LARGE1: variants seen among roughly 807,000 people sequenced by gnomAD.
LARGE1 encodes LARGE xylosyl- and glucuronyltransferase 1, also known as xylosyl- and glucuronyltransferase LARGE1.
In LARGE1, 43 loss-of-function variants were observed where a neutral mutation model predicts 87.6. The observed-to-expected ratio is 0.49, with a 90% CI of 0.38 to 0.63. LARGE1 has a LOEUF of 0.63. Among genes scored for constraint, LARGE1 ranks in the 30% least tolerant of loss-of-function variants. The probability of loss-of-function intolerance (pLI) is 0.00; values close to 1 mark genes in which losing one functional copy is unlikely to be tolerated. For missense variants in LARGE1, 802 were observed against 1,000.2 expected (o/e 0.80, Z 2.67); for synonymous variants, 434 against 394.6 (o/e 1.10, Z -1.18).
At chr22:33,641,274 C>T (rs1407109160) in intron 3 of LARGE1, among the ~76,000 whole-genome samples, 3 of 152,122 alleles carry the variant, frequency 2.0e-5, no homozygotes, top group East Asian at 1.9e-4. Context: ...TGGACCTCCA[C>T]CAAACTCCAG....
At chr22:33,780,431 C>T (rs1461527076) in intron 1 of LARGE1, among the ~76,000 whole-genome samples, 2 of 147,416 alleles carry the variant, frequency 1.4e-5, no homozygotes, top group Non-Finnish European at 3.0e-5. Context: ...TCCCCAGCAG[C>T]CCCTGTCGAA....
intron 11 of LARGE1, among the ~76,000 whole-genome samples, chr22:33,170,135 G>A (rs919626415): frequency 3.9e-4 from 60 of 151,984 alleles, no homozygotes; most frequent in African/African-American, 1.4e-3. Flanking sequence ...TTGGGATGCC[G>A]AGGTGGGAGG....
At chr22:33,435,088 G>A (rs765913851) in intron 6 of LARGE1, among the ~76,000 whole-genome samples, 2 of 152,048 alleles carry the variant, frequency 1.3e-5, no homozygotes, top group African/African-American at 2.4e-5. Context: ...TGCAACCTTC[G>A]CCTCCCGAGT....
chr22:33,269,702 T>C (rs1428266805), downstream of LARGE1, among the ~76,000 whole-genome samples: 2 of 151,976 alleles, frequency 1.3e-5, no homozygotes, highest in East Asian at 1.9e-4. Context: ...CAGAAGACAT[T>C]ATCTCTTAAG....
chr22:33,469,952 C>T (rs1479559817), intron 6 of LARGE1, among the ~76,000 whole-genome samples: 6 of 140,558 alleles, frequency 4.3e-5, no homozygotes, highest in Non-Finnish European at 7.6e-5. Flanking sequence ...TGCAGTGGTG[C>T]GATCTTGGCT....
At chr22:33,625,368 TGGA>T (rs1430388526) in intron 4 of LARGE1, among the ~76,000 whole-genome samples, 1 of 152,092 alleles carries the variant, frequency 6.6e-6, no homozygotes, top group East Asian at 1.9e-4. Context: ...AAGTGTCACA[TGGA>T]GAAGAGATGA....
chr22:33,821,392 C>T (rs2086809443), intron 1 of LARGE1, among the ~76,000 whole-genome samples: 1 of 152,160 alleles, frequency 6.6e-6, no homozygotes, highest in African/African-American at 2.4e-5. Flanking sequence ...CACTAGTTTA[C>T]CTCCCCATCC....
At chr22:33,114,850 C>T in the LARGE1 span, among the ~76,000 whole-genome samples, 1 of 152,136 alleles carries the variant, frequency 6.6e-6, no homozygotes, top group African/African-American at 2.4e-5. Context: ...GTCACATAGG[C>T]TTGAAAAAGA....
chr22:33,283,130 T>G lies in LARGE1; in HGVS notation c.1877+72A>C. ...GCGACAAACTTCCAGATCGATAGCT[T>G]TGGCATCTGGGTTTCCCAGGAGAAA... On this transcript the variant is annotated intron_variant, in intron 13 of 14. Transcript: ENST00000397394. 3 of 1,588,920 alleles carry G rather than the reference T, an allele frequency of 1.9e-6. No homozygotes were observed. In the South Asian group the frequency reaches 3.3e-5, roughly 18 times the overall value.
intron 3 of LARGE1, among the ~76,000 whole-genome samples, chr22:33,645,205 T>A (rs2080569010): frequency 7.4e-6 from 1 of 135,534 alleles, no homozygotes; most frequent in Non-Finnish European, 1.7e-5. Context: ...CCTACAAGGC[T>A]ACAGTAACCA....
chr22:33,561,388 T>C (rs1457875365), intron 6 of LARGE1, among the ~76,000 whole-genome samples: 1 of 152,114 alleles, frequency 6.6e-6, no homozygotes, highest in East Asian at 1.9e-4. Context: ...TGAACACAGG[T>C]CAGACAAGAG....
chr22:33,917,924 C>T (rs2065833551), intron 1 of LARGE1, among the ~76,000 whole-genome samples: 1 of 152,256 alleles, frequency 6.6e-6, no homozygotes, highest in South Asian at 2.1e-4. Flanking sequence ...AGATAAACCA[C>T]AGTAACATGG....
chr22:33,913,305 G>A (rs115805751), intron 1 of LARGE1, among the ~76,000 whole-genome samples: 3 of 152,084 alleles, frequency 2.0e-5, no homozygotes, highest in African/African-American at 4.8e-5. Flanking sequence ...TAGAATGTGC[G>A]GGTGGTTAAG....
chr22:33,744,553 G>A (rs2145567106), intron 2 of LARGE1, among the ~76,000 whole-genome samples: 1 of 152,318 alleles, frequency 6.6e-6, no homozygotes, highest in Non-Finnish European at 1.5e-5. Context: ...GGTCCTCAGA[G>A]CATGCCTGCT....
intron 1 of LARGE1, among the ~76,000 whole-genome samples, chr22:33,850,803 A>C (rs1436008453): frequency 6.6e-6 from 1 of 152,090 alleles, no homozygotes; most frequent in Non-Finnish European, 1.5e-5. Flanking sequence ...TGATGGAGGA[A>C]GAGTTTTGCT....
At chr22:33,635,011 G>A (rs1184545762) in intron 3 of LARGE1, among the ~76,000 whole-genome samples, 3 of 151,958 alleles carry the variant, frequency 2.0e-5, no homozygotes, top group Admixed American at 6.6e-5. Context: ...CCAGTTACTC[G>A]GGAAGCTGAG....
In LARGE1 at chr22:33,274,123, G is replaced by T; in HGVS notation, c.*304C>A. The T allele has an allele frequency of 1.9e-6, 1 of 529,988 alleles. No individual in the cohort carries two copies. Among genetic ancestry groups the T allele is most frequent in the Non-Finnish European group, 3.4e-6 (1 of 293,838 alleles). The allele number at this position is 529,988 out of a possible 1,614,324, so 32.8% of individuals were successfully genotyped here. A position where few individuals can be genotyped will look rare whatever the true frequency, so the allele number is the denominator to read the frequency against. ...CATCCTAAAGCCCTGCCCTGATCTT[G>T]TGGCTTTGCAGTAAGATGATAACCC... is the stretch of plus-strand genomic sequence containing the variant. On this transcript the variant is annotated 3_prime_UTR_variant, in exon 15 of 15. Transcript: ENST00000397394.
the LARGE1 span, chr22:33,110,333 G>A: frequency 2.0e-5 from 3 of 152,120 alleles, no homozygotes; most frequent in Non-Finnish European, 4.4e-5. Context: ...CCTGCCAGCT[G>A]TAGGGATTAG....
chr22:33,889,746 T>C (rs1190386853), intron 1 of LARGE1, among the ~76,000 whole-genome samples: 2 of 151,724 alleles, frequency 1.3e-5, no homozygotes, highest in African/African-American at 4.8e-5. Flanking sequence ...AAAGGGAGAG[T>C]GGTCTGGAGT....
Sources: allele counts gnomAD v4.1 joint callset (sites outside exome capture counted in the v4.1 genomes callset), GRCh38; gene constraint gnomAD v4.1.1; transcripts MANE v1.5; gene names NCBI Gene and HGNC (gene_info 2026-07-23, HGNC 2026-07-21).